The following HROB variants were observed in gnomAD, a reference collection of about 807,000 sequenced individuals.
HROB encodes homologous recombination OB-fold protein.
In HROB, 44 loss-of-function variants were observed where a neutral mutation model predicts 61.0. That is an observed-to-expected ratio of 0.72 (90% CI 0.57 to 0.93). HROB has a LOEUF of 0.93. HROB is among the 40% of genes least tolerant of loss of function. The probability of loss-of-function intolerance (pLI) is 0.00; values close to 1 mark genes in which losing one functional copy is unlikely to be tolerated. For synonymous variants in HROB, 301 were observed against 310.4 expected, an observed-to-expected ratio of 0.97 and a Z score of 0.32; for missense variants, 716 against 796.2, an observed-to-expected ratio of 0.90 and a Z score of 1.21.
intron 9 of HROB, among the ~76,000 whole-genome samples, chr17:44,161,519 C>T (rs528890139): frequency 2.5e-4 from 38 of 152,336 alleles, no homozygotes; most frequent in Admixed American, 3.9e-4. Flanking sequence ...AGCCCTCTTT[C>T]TCCTTCAGCC....
intron 9 of HROB, among the ~76,000 whole-genome samples, chr17:44,158,503 C>T (rs1032299923): frequency 6.6e-6 from 1 of 152,022 alleles, no homozygotes; most frequent in Non-Finnish European, 1.5e-5. Flanking sequence ...TTTATTTTTG[C>T]GACAGGGTCT....
rs2053574104 is a variant in HROB at position 44,145,133 on chromosome 17, A to C, written c.4-70A>C. On this transcript the variant is annotated intron_variant, in intron 1 of 9. Coordinates refer to ENST00000585683, the MANE Select transcript of HROB (RefSeq NM_001171251.3). ...TGATGGTATTGTTAGTGCTGGGAAG[A>C]AGCAGAGTGAGGACAGAATGTGCTT... 2.6e-6 allele frequency: 4 copies of C among 1,532,416 alleles called. No homozygotes were observed. In the South Asian group the frequency reaches 4.5e-5, roughly 17 times the overall value. 94.9% of individuals were successfully genotyped at this position (1,532,416 alleles called of 1,614,324 possible). A position where few individuals can be genotyped will look rare whatever the true frequency, so the allele number is the denominator to read the frequency against.
chr17:44,160,873 G>A (rs1021693731), intron 9 of HROB, among the ~76,000 whole-genome samples: 1 of 152,186 alleles, frequency 6.6e-6, no homozygotes, highest in African/African-American at 2.4e-5. Context: ...ATCACCAGAA[G>A]GTTGCTGGTA....
intron 9 of HROB, 82 bp from the exon 10 acceptor site, chr17:44,161,789 C>T: frequency 6.7e-7 from 1 of 1,501,176 alleles, no homozygotes; most frequent in South Asian, 1.1e-5. Flanking sequence ...CCAGGCCCTC[C>T]TGAAGGGCAG....
chr17:44,149,254 CT>C (rs11355829), intron 3 of HROB, among the ~76,000 whole-genome samples: 62,838 of 147,278 alleles, frequency 0.43, 15,964 homozygotes, highest in African/African-American at 0.71. Context: ...TTTTCTTCTC[CT>C]TTTTTTTTTT....
intron 1 of HROB, among the ~76,000 whole-genome samples, chr17:44,142,810 C>T (rs187658609): frequency 2.6e-5 from 4 of 152,188 alleles, no homozygotes; most frequent in East Asian, 1.9e-4. Context: ...GAAACAATGC[C>T]ACTGTGCAGA....
chr17:44,149,340 C>T (rs1264563463), intron 3 of HROB, among the ~76,000 whole-genome samples: 1 of 151,908 alleles, frequency 6.6e-6, no homozygotes, highest in African/African-American at 2.4e-5. Flanking sequence ...CCTCTGCCTC[C>T]TGGGTTTAAG....
chr17:44,151,094 C>A, intron 4 of HROB, 50 bp downstream of exon 4: 1 of 1,514,842 alleles, frequency 6.6e-7, no homozygotes, highest in Non-Finnish European at 9.1e-7. Flanking sequence ...GAGTGAGGGG[C>A]GTCCCTGTGT....
Position 44,148,767 on chromosome 17 carries a change from T to G in HROB, c.964T>G (p.Ser322Ala). ...TTTACCCAGACCTCGAACTCCCAAC[T>G]CAAGCTGTTCTACTCCCTCAAGGAC... The part of the protein sequence containing the change: ...AHLPRPRTPN[S>A]SCSTPSRTSS... The change falls in exon 3 of 10, where the codon TCA (serine) becomes GCA (alanine). Residue 322 changes from serine (S) to alanine (A), a missense_variant. By Grantham distance (99) the Ser-to-Ala change is moderately conservative (BLOSUM62 1). Transcript: ENST00000585683. 1 of 1,614,152 alleles carries G rather than the reference T, an allele frequency of 6.2e-7. No individual in the cohort carries two copies. Among genetic ancestry groups the G allele is most frequent in the South Asian group, 1.1e-5 (1 of 91,088 alleles).
intron 2 of HROB, among the ~76,000 whole-genome samples, chr17:44,147,529 T>G (rs1177583938): frequency 6.8e-6 from 1 of 147,822 alleles, no homozygotes; most frequent in Non-Finnish European, 1.5e-5. Context: ...CCTCTGCCTC[T>G]CAGGTTGAAG....
At position 44,154,896 on chromosome 17, in the gene HROB, C is replaced by T. The variant is rs1310644742; in HGVS notation, c.1602C>T (p.Cys534=). 3.1e-6 allele frequency: 5 copies of T among 1,613,990 alleles called. No homozygotes were observed. The highest frequency in any genetic ancestry group is 4.2e-6 in the Non-Finnish European group (5 of 1,179,984). ...GTVHRLLLET[C]QNELKPGSVL... is the part of the protein sequence containing the mutation. ...TGCACAGGTTGCTGCTGGAGACGTGCCAGAATGAGCTGAAGCCTGGCTCAG... is the reference window on the plus strand; with the variant it reads ...TGCACAGGTTGCTGCTGGAGACGTGTCAGAATGAGCTGAAGCCTGGCTCAG... The change falls in exon 7 of 10, where the codon TGC becomes TGT. Residue 534 remains cysteine, a synonymous_variant. Transcript: ENST00000585683.
intron 1 of HROB, 57 bp downstream of exon 1, chr17:44,142,202 A>G: frequency 3.4e-6 from 5 of 1,471,426 alleles, no homozygotes; most frequent in Non-Finnish European, 4.5e-6. Flanking sequence ...GGCCTCCGGA[A>G]CTGCTCATGG....
At chr17:44,144,630 G>A (rs1449087336) in intron 1 of HROB, among the ~76,000 whole-genome samples, 1 of 151,758 alleles carries the variant, frequency 6.6e-6, no homozygotes, top group Non-Finnish European at 1.5e-5. Context: ...GCCCAGCCTA[G>A]CCTCAAACTC....
In HROB at chr17:44,147,924, C is replaced by A. The variant is rs149678700; in HGVS notation, c.121C>A (p.Arg41Ser). 1 of 1,614,092 alleles carries A rather than the reference C, an allele frequency of 6.2e-7. No individual in the cohort carries two copies. The highest frequency in any genetic ancestry group is 1.3e-5 in the African/African-American group (1 of 75,014). Residue 41 changes from arginine (R) to serine (S), a missense_variant, in exon 3 of 10, where the codon CGC becomes AGC. Transcript: ENST00000585683. Reference protein sequence around the residue: ...FTGSLPVNAGRLRPVSSRPQE... With the variant: ...FTGSLPVNAGSLRPVSSRPQE... ...TGGCTCACTGCCTGTGAATGCTGGG[C>A]GCCTGAGACCTGTCTCTTCTAGGCC...
chr17:44,162,193 C>T lies in HROB; in HGVS notation c.*261C>T, dbSNP rs13726. The T allele has an allele frequency of 0.34, 156,691 of 456,116 alleles. 30,932 individuals are homozygous for T. The highest frequency in any genetic ancestry group is 0.66 in the East Asian group (16,399 of 24,994). The allele number at this position is 456,116 out of a possible 1,614,324, so 28.3% of individuals were successfully genotyped here. ...GCCAACAAGAAAGGCCTGTCACCCT[C>T]GCCTTGGGTGTCCCTCTCCTGCCTC... is the stretch of plus-strand genomic sequence containing the variant. On this transcript the variant is annotated 3_prime_UTR_variant, in exon 10 of 10. Coordinates refer to ENST00000585683, the MANE Select transcript of HROB (RefSeq NM_001171251.3).
intron 9 of HROB, among the ~76,000 whole-genome samples, chr17:44,161,492 A>T (rs567678551): frequency 3.3e-5 from 5 of 152,332 alleles, no homozygotes; most frequent in South Asian, 2.1e-4. Flanking sequence ...CTCTGAACAC[A>T]TCTGATGGCT....
intron 9 of HROB, among the ~76,000 whole-genome samples, chr17:44,160,822 C>A (rs2054116088): frequency 6.6e-6 from 1 of 152,108 alleles, no homozygotes; most frequent in Non-Finnish European, 1.5e-5. Flanking sequence ...TCTTGCATTG[C>A]CTGGAAGCCT....
chr17:44,161,312 G>A (rs998001950), intron 9 of HROB, among the ~76,000 whole-genome samples: 1 of 152,190 alleles, frequency 6.6e-6, no homozygotes, highest in Non-Finnish European at 1.5e-5. Flanking sequence ...CACTCAGTCA[G>A]TATTAGCTGC....
intron 4 of HROB, among the ~76,000 whole-genome samples, chr17:44,151,758 C>T (rs943263442): frequency 6.6e-5 from 10 of 152,096 alleles, no homozygotes; most frequent in African/African-American, 2.2e-4. Context: ...AAAAAATAAG[C>T]GTAGATAGCC....
Sources: allele counts gnomAD v4.1 joint callset (sites outside exome capture counted in the v4.1 genomes callset), GRCh38; gene constraint gnomAD v4.1.1; transcripts MANE v1.5; gene names NCBI Gene and HGNC (gene_info 2026-07-23, HGNC 2026-07-21).